ROBO1: variants seen among roughly 807,000 people sequenced by gnomAD.
ROBO1 encodes the protein roundabout homolog 1.
A neutral mutation model predicts 195.9 loss-of-function variants in ROBO1; 149 were observed. That is an observed-to-expected ratio of 0.76 (90% CI 0.67 to 0.87). ROBO1 has a LOEUF of 0.87. Among genes scored for constraint, ROBO1 ranks in the 40% least tolerant of loss-of-function variants. ROBO1 has a pLI of 0.00. For missense variants in ROBO1, 1,933 were observed against 2,068.3 expected, an observed-to-expected ratio of 0.93 and a Z score of 1.27; for synonymous variants, 816 against 733.2, an observed-to-expected ratio of 1.11 and a Z score of -1.82.
At chr3:79,169,247 A>T (rs975782829) in intron 2 of ROBO1, among the ~76,000 whole-genome samples, 11 of 152,200 alleles carry the variant, frequency 7.2e-5, no homozygotes, top group Admixed American at 2.6e-4. Context: ...TTATTATGTT[A>T]TAATCTACAT....
intron 8 of ROBO1, among the ~76,000 whole-genome samples, chr3:78,710,054 GC>G (rs1247238633): frequency 3.9e-5 from 6 of 152,070 alleles, no homozygotes; most frequent in Admixed American, 2.6e-4. Context: ...TACTATAATA[GC>G]CCGTAAGGAT....
chr3:79,511,403 T>G (rs1233240905), intron 2 of ROBO1, among the ~76,000 whole-genome samples: 1 of 152,152 alleles, frequency 6.6e-6, no homozygotes, highest in East Asian at 1.9e-4. Flanking sequence ...ATTAGTAAAT[T>G]TCTCTACTTA....
rs369375962 is a variant in ROBO1 at position 78,661,013 on chromosome 3, C to A, written c.2320+17G>T. 3.9e-6 allele frequency: 6 copies of A among 1,555,584 alleles called. No homozygotes were observed. The highest frequency in any genetic ancestry group is 4.4e-6 in the Non-Finnish European group (5 of 1,133,610). ...TATACTGCAATGCATGGAAATCAAA[C>A]GCTTCATCATACTTGCCTTCTTCCA... On this transcript the variant is annotated intron_variant, in intron 16 of 30. Transcript: ENST00000464233.
chr3:78,651,040 C>T (rs1047023891), intron 19 of ROBO1, among the ~76,000 whole-genome samples: 17 of 152,090 alleles, frequency 1.1e-4, no homozygotes, highest in African/African-American at 3.6e-4. Flanking sequence ...GGATAAGTAG[C>T]AAAAGTATGT....
At chr3:78,994,654 T>C (rs748215652) in intron 3 of ROBO1, among the ~76,000 whole-genome samples, 13 of 152,158 alleles carry the variant, frequency 8.5e-5, no homozygotes, top group Non-Finnish European at 1.5e-5. Flanking sequence ...AACAAGTGAG[T>C]CATTTGTTCT....
chr3:79,086,648 G>A (rs2079376336), intron 3 of ROBO1, among the ~76,000 whole-genome samples: 1 of 152,140 alleles, frequency 6.6e-6, no homozygotes. Flanking sequence ...AGGAAATGCA[G>A]CGATATTTTC....
intron 1 of ROBO1, among the ~76,000 whole-genome samples, chr3:79,698,559 T>C (rs1448250034): frequency 2.0e-5 from 3 of 151,550 alleles, no homozygotes; most frequent in African/African-American, 7.3e-5. Context: ...TATGCTTCTA[T>C]TGAAGAAATC....
At chr3:79,008,918 TG>T (rs2077698629) in intron 3 of ROBO1, among the ~76,000 whole-genome samples, 1 of 150,142 alleles carries the variant, frequency 6.7e-6, no homozygotes, top group Non-Finnish European at 1.5e-5. Context: ...TGTGTGTGTG[TG>T]TGTGTGTGTG....
intron 4 of ROBO1, among the ~76,000 whole-genome samples, chr3:78,881,182 T>C (rs952787513): frequency 6.6e-6 from 1 of 152,142 alleles, no homozygotes; most frequent in Non-Finnish European, 1.5e-5. Flanking sequence ...GTTTCTCTAA[T>C]AGTGGGAAGA....
Position 78,636,084 on chromosome 3 carries a change from T to C in ROBO1, c.3062A>G (p.Asn1021Ser), listed in dbSNP as rs1195141251. The change falls in exon 23 of 31, where the codon AAC becomes AGC. Residue 1021 changes from asparagine to serine, a missense_variant. Around this residue, in one of 3 missense-constraint regions of ROBO1, gnomAD observed 1,737 missense variants for 1,882.5 expected, o/e 0.92. Coordinates refer to ENST00000464233, the MANE Select transcript of ROBO1 (RefSeq NM_002941.4). ...RPADCIANYN[N>S]QLDNKQTNLM... ...ATTTGTTTGTTTGTTATCCAGTTGG[T>C]TGTTATAATTTGCTATACAATCAGC... 2 of 1,611,962 alleles carry C rather than the reference T, an allele frequency of 1.2e-6. No homozygotes were observed. Among genetic ancestry groups the C allele is most frequent in the Middle Eastern group, 1.7e-4 (1 of 6,050 alleles).
intron 29 of ROBO1, among the ~76,000 whole-genome samples, chr3:78,606,148 C>T (rs1703447129): frequency 6.6e-6 from 1 of 152,176 alleles, no homozygotes; most frequent in Admixed American, 6.5e-5. Flanking sequence ...AAATCTCAAA[C>T]CCTTCAGAAT....
At chr3:79,161,958 A>G (rs2080974906) in intron 2 of ROBO1, among the ~76,000 whole-genome samples, 1 of 152,150 alleles carries the variant, frequency 6.6e-6, no homozygotes, top group Non-Finnish European at 1.5e-5. Context: ...GCAGTTATAC[A>G]TATTTTCCAA....
rs562238413 is a variant in ROBO1, at chr3:79,274,959, T to G, written c.89-149420A>C. On this transcript the variant is annotated intron_variant, in intron 2 of 30. Coordinates refer to ENST00000464233, the MANE Select transcript of ROBO1 (RefSeq NM_002941.4). ...GAAGAAATCTAAAGCATAAACAGACTGATAACAAGTACTGAGATTGAAGCT... is the reference window on the plus strand; with the variant it reads ...GAAGAAATCTAAAGCATAAACAGACGGATAACAAGTACTGAGATTGAAGCT... 2.0e-5 allele frequency among the ~76,000 whole-genome samples: 3 copies of G among 151,980 alleles called. No individual in the cohort carries two copies. In the South Asian group the frequency reaches 6.2e-4, roughly 32 times the overall value.
chr3:79,449,610 G>A (rs890231855), intron 2 of ROBO1, among the ~76,000 whole-genome samples: 2 of 152,042 alleles, frequency 1.3e-5, no homozygotes, highest in Admixed American at 6.5e-5. Flanking sequence ...TTAAATCAAG[G>A]TGTTCTACAG....
At chr3:78,915,487 A>C (rs2038504022) in intron 4 of ROBO1, among the ~76,000 whole-genome samples, 1 of 152,210 alleles carries the variant, frequency 6.6e-6, no homozygotes, top group African/African-American at 2.4e-5. Flanking sequence ...ATCTGATATA[A>C]CATATTTCCA....
intron 2 of ROBO1, among the ~76,000 whole-genome samples, chr3:79,303,669 CATTA>C (rs937563009): frequency 3.9e-5 from 6 of 151,988 alleles, no homozygotes; most frequent in Admixed American, 3.9e-4. Flanking sequence ...ACTACTCAGC[CATTA>C]AAAAAGTGTA....
At chr3:78,718,038 T>C (rs1321852765) in intron 5 of ROBO1, among the ~76,000 whole-genome samples, 155 bp from the exon 6 acceptor site, 1 of 152,236 alleles carries the variant, frequency 6.6e-6, no homozygotes, top group Non-Finnish European at 1.5e-5. Context: ...TTTTAGGTAG[T>C]ACCCTTAAAG....
At chr3:79,489,057 T>C (rs186198720) in intron 2 of ROBO1, among the ~76,000 whole-genome samples, 3 of 151,224 alleles carry the variant, frequency 2.0e-5, no homozygotes, top group African/African-American at 7.4e-5. Flanking sequence ...AATGATTTTA[T>C]GATATTATTA....
At position 78,711,313 on chromosome 3, in the gene ROBO1, T is replaced by C. The variant is rs868750158; in HGVS notation, c.1045+3084A>G. On this transcript the variant is annotated intron_variant, in intron 8 of 30. Coordinates refer to ENST00000464233, the MANE Select transcript of ROBO1 (RefSeq NM_002941.4). ...TCTTTCTTTCTCTTTCTTTCTTTCT[T>C]TCTCTCTCTCTCTCCTTCCTTCCTT... Among the ~76,000 whole-genome samples the C allele has an allele frequency of 3.7e-4, 52 of 141,494 alleles. 3 individuals are homozygous for C. Among genetic ancestry groups the C allele is most frequent in the African/African-American group, 1.2e-3 (41 of 34,810 alleles). 92.8% of individuals were successfully genotyped at this position (141,494 alleles called of 152,430 possible).
Sources: allele counts gnomAD v4.1 joint callset (sites outside exome capture counted in the v4.1 genomes callset), GRCh38; gene constraint gnomAD v4.1.1; regional missense constraint gnomAD v4.1.1; transcripts MANE v1.5; gene names NCBI Gene and HGNC (gene_info 2026-07-23, HGNC 2026-07-21).